DOCK3: variants seen among roughly 807,000 people sequenced by gnomAD.
The protein encoded by DOCK3 is dedicator of cytokinesis 3, also known as dedicator of cytokinesis protein 3.
DOCK3 carries 60 observed loss-of-function variants against 265.6 expected under a neutral mutation model. The observed-to-expected ratio is 0.23, with a 90% CI of 0.18 to 0.28. The LOEUF (loss-of-function observed/expected upper bound fraction) is 0.28. DOCK3 is among the 10% of genes least tolerant of loss of function. The pLI is 1.00. For missense variants in DOCK3, 1,981 were observed against 2,594.3 expected (o/e 0.76, Z 5.14); for synonymous variants, 881 against 938.0 (o/e 0.94, Z 1.11).
intron 9 of DOCK3, among the ~76,000 whole-genome samples, chr3:51,129,590 G>T (rs960547601): frequency 3.3e-5 from 5 of 152,192 alleles, no homozygotes; most frequent in Non-Finnish European, 5.9e-5. Flanking sequence ...CCCAGCTCAT[G>T]ATAGGCCATT....
intron 3 of DOCK3, among the ~76,000 whole-genome samples, chr3:50,862,225 A>C (rs1242462354): frequency 6.6e-6 from 1 of 152,146 alleles, no homozygotes; most frequent in Admixed American, 6.5e-5. Flanking sequence ...CTAGTTGTGG[A>C]TACCTTCTGT....
chr3:51,075,056 G>T (rs1459335583), intron 6 of DOCK3, among the ~76,000 whole-genome samples: 2 of 152,046 alleles, frequency 1.3e-5, no homozygotes, highest in South Asian at 2.1e-4. Flanking sequence ...ACTTTTTAAT[G>T]ATGTAAAGAA....
intron 9 of DOCK3, among the ~76,000 whole-genome samples, chr3:51,125,926 T>G (rs1391844128): frequency 6.6e-6 from 1 of 152,182 alleles, no homozygotes; most frequent in Non-Finnish European, 1.5e-5. Flanking sequence ...AGACAGTGTT[T>G]TTACATGAGG....
chr3:51,306,349 A>G (rs1028992477), intron 27 of DOCK3, among the ~76,000 whole-genome samples: 8 of 151,904 alleles, frequency 5.3e-5, no homozygotes, highest in African/African-American at 1.9e-4. Context: ...GATTCTCTTT[A>G]TTTTTGGCTT....
At chr3:50,738,509 T>G (rs1165035021) in intron 1 of DOCK3, among the ~76,000 whole-genome samples, 1 of 152,216 alleles carries the variant, frequency 6.6e-6, no homozygotes, top group Non-Finnish European at 1.5e-5. Flanking sequence ...GTTTTGTGGA[T>G]TTCAATGAAT....
chr3:50,697,598 A>AAACC (rs1220572983), intron 1 of DOCK3, among the ~76,000 whole-genome samples: 1 of 152,148 alleles, frequency 6.6e-6, no homozygotes, highest in African/African-American at 2.4e-5. Context: ...TCTCAAAAAC[A>AAACC]AACCAACCAA....
chr3:51,234,355 G>A (rs142221740), intron 19 of DOCK3, among the ~76,000 whole-genome samples: 2 of 152,230 alleles, frequency 1.3e-5, no homozygotes, highest in Non-Finnish European at 2.9e-5. Context: ...TCTTGCTAGT[G>A]AGTTGTTTGA....
In DOCK3 at chr3:50,786,893, G is replaced by A. The variant is rs2042211923; in HGVS notation, c.121+8135G>A. ...GGACTTCTCTCCAGAATGCTGCAGG[G>A]AGTGCCCCATGAGTGACATACTGCA... On this transcript the variant is annotated intron_variant, in intron 2 of 52. Transcript: ENST00000266037. 1.4e-5 allele frequency: 10 copies of A among 738,136 alleles called. 1 individual carries two copies. In the South Asian group the frequency reaches 1.4e-4, roughly 10 times the overall value. 45.7% of individuals were successfully genotyped at this position (738,136 alleles called of 1,614,324 possible). A position where few individuals can be genotyped will look rare whatever the true frequency, so the allele number is the denominator to read the frequency against.
intron 22 of DOCK3, among the ~76,000 whole-genome samples, chr3:51,255,983 TC>T (rs1457522466): frequency 4.6e-5 from 7 of 152,156 alleles, no homozygotes; most frequent in Admixed American, 4.6e-4. Context: ...TGCTTTGGTT[TC>T]TCCCCATCTT....
intron 3 of DOCK3, among the ~76,000 whole-genome samples, chr3:50,860,538 T>G (rs906717927): frequency 3.3e-5 from 5 of 152,198 alleles, no homozygotes; most frequent in African/African-American, 1.2e-4. Context: ...TTGTAGGAGT[T>G]GGCTGGAGAC....
In DOCK3 at chr3:51,310,332, T is replaced by G. The variant is rs2082994886; in HGVS notation, c.3017+6T>G. Reference sequence around the variant, plus strand: ...ATGAGACTGCTCACAAGCAAGTAAGTATGGAAGGGCTCTGTATCAGCATCA... The same window carrying G: ...ATGAGACTGCTCACAAGCAAGTAAGGATGGAAGGGCTCTGTATCAGCATCA... On this transcript the variant is annotated splice_donor_region_variant and intron_variant, in intron 28 of 52. Coordinates refer to ENST00000266037, the MANE Select transcript of DOCK3 (RefSeq NM_004947.5). 6.3e-7 allele frequency: 1 copy of G among 1,583,720 alleles called. No homozygotes were observed. The highest frequency in any genetic ancestry group is 2.3e-5 in the East Asian group (1 of 44,044).
rs1257022208 is a variant in DOCK3 at position 51,248,642 on chromosome 3, G to A, written c.2184+1835G>A. Among the ~76,000 whole-genome samples the A allele has an allele frequency of 4.6e-5, 7 of 152,036 alleles. No individual in the cohort carries two copies. The South Asian group carries it at 1.0e-3, about 23-fold the overall frequency. ...CGTCTGGGCAGTGAGGAGCGTCTCC[G>A]CCTGGCCGCCCATCGTCTGGGATGT... On this transcript the variant is annotated intron_variant, in intron 22 of 52. Transcript: ENST00000266037.
At chr3:50,695,433 C>T (rs2107771962) in intron 1 of DOCK3, among the ~76,000 whole-genome samples, 1 of 152,242 alleles carries the variant, frequency 6.6e-6, no homozygotes, top group African/African-American at 2.4e-5. Context: ...TTTCCAAAAG[C>T]CAAATTTTAT....
intron 2 of DOCK3, among the ~76,000 whole-genome samples, chr3:50,812,028 G>A (rs191504857): frequency 2.6e-5 from 4 of 152,306 alleles, no homozygotes; most frequent in Admixed American, 1.3e-4. Context: ...GAATTTATGG[G>A]AAAGAGCATG....
chr3:51,312,750 C>A, intron 30 of DOCK3, 94 bp from the exon 31 acceptor site: 2 of 1,378,832 alleles, frequency 1.5e-6, no homozygotes, highest in South Asian at 1.3e-5. Context: ...GCATTAGAAA[C>A]AAACAGTGCT....
intron 5 of DOCK3, among the ~76,000 whole-genome samples, chr3:51,052,052 A>G (rs752995963): frequency 2.0e-5 from 3 of 152,182 alleles, no homozygotes; most frequent in Non-Finnish European, 4.4e-5. Flanking sequence ...CATTTGAACT[A>G]TATCACCCAC....
intron 5 of DOCK3, among the ~76,000 whole-genome samples, chr3:51,001,222 A>G (rs1032262408): frequency 6.6e-6 from 1 of 152,204 alleles, no homozygotes; most frequent in Non-Finnish European, 1.5e-5. Context: ...TGCCCTCCCC[A>G]TGTGTAGGTG....
At chr3:51,205,724 A>G (rs1293364427) in intron 12 of DOCK3, among the ~76,000 whole-genome samples, 1 of 152,154 alleles carries the variant, frequency 6.6e-6, no homozygotes, top group African/African-American at 2.4e-5. Context: ...ATAGATAGAA[A>G]GAAAGAATTC....
At chr3:51,111,764 G>C (rs2083529659) in intron 9 of DOCK3, among the ~76,000 whole-genome samples, 1 of 152,070 alleles carries the variant, frequency 6.6e-6, no homozygotes, top group Non-Finnish European at 1.5e-5. Flanking sequence ...TATCAACAGA[G>C]TAAACAGACA....
Sources: gnomAD v4.1 joint callset for allele counts (sites outside exome capture counted in the v4.1 genomes callset) on GRCh38, gnomAD v4.1.1 for gene constraint, MANE v1.5 for transcripts, NCBI Gene and HGNC (gene_info 2026-07-23, HGNC 2026-07-21) for gene names.